Variants in RBFOX3 observed in about 807,000 individuals in gnomAD.
RBFOX3 encodes RNA binding protein fox-1 homolog 3.
In RBFOX3, 17 loss-of-function variants were observed where a neutral mutation model predicts 48.7. The ratio of observed to expected loss-of-function variants is 0.35; its 90% confidence interval spans 0.24 to 0.52. The LOEUF (loss-of-function observed/expected upper bound fraction) is 0.52, where lower values mean the gene tolerates loss of function less well. Among genes scored for constraint, RBFOX3 ranks in the 20% least tolerant of loss-of-function variants. The pLI, the probability that RBFOX3 is intolerant of heterozygous loss-of-function variation, is 0.94. For missense variants in RBFOX3, 382 were observed against 497.5 expected, an observed-to-expected ratio of 0.77 and a Z score of 2.21; for synonymous variants, 212 against 209.5, an observed-to-expected ratio of 1.01 and a Z score of -0.10.
intron 4 of RBFOX3, among the ~76,000 whole-genome samples, chr17:79,185,923 CT>C (rs1363544554): frequency 2.6e-5 from 4 of 152,236 alleles, no homozygotes; most frequent in Non-Finnish European, 4.4e-5. Flanking sequence ...GGAAACCAAG[CT>C]TGTAAACGAA....
At chr17:79,462,083 T>C (rs1389577617) in intron 2 of RBFOX3, among the ~76,000 whole-genome samples, 1 of 152,238 alleles carries the variant, frequency 6.6e-6, no homozygotes, top group Non-Finnish European at 1.5e-5. Flanking sequence ...TAACAAACTG[T>C]ACAATTTATG....
rs941493565 is a variant in RBFOX3 at position 79,593,906 on chromosome 17, T to G, written c.-320+16920A>C. On this transcript the variant is annotated intron_variant, in intron 1 of 14. Coordinates refer to ENST00000693108, the MANE Select transcript of RBFOX3 (RefSeq NM_001350451.2). ...GACAGAAACCAAAACCCGCTGGCACTTGTTGGGGGTGGGAGGCACTTGGAC... is the reference window on the plus strand; with the variant it reads ...GACAGAAACCAAAACCCGCTGGCACGTGTTGGGGGTGGGAGGCACTTGGAC... Among the ~76,000 whole-genome samples, 479 of 152,238 alleles carry G rather than the reference T, an allele frequency of 3.1e-3. 3 individuals carry two copies. The highest frequency in any genetic ancestry group is 0.011 in the African/African-American group (461 of 41,552).
At position 79,534,876 on chromosome 17, in the gene RBFOX3, G is replaced by T. The variant is rs563993543; in HGVS notation, c.-319-52278C>A. 2.0e-5 allele frequency among the ~76,000 whole-genome samples: 3 copies of T among 152,278 alleles called. No homozygotes were observed. In the South Asian group the frequency reaches 6.2e-4, roughly 32 times the overall value. On this transcript the variant is annotated intron_variant, in intron 1 of 14. Coordinates refer to ENST00000693108, the MANE Select transcript of RBFOX3 (RefSeq NM_001350451.2). Reference sequence around the variant, plus strand: ...GACAGAGGGAGATCGTCGCCCCCTCGGAAGTCGGTTTGACAAGTGCCCCAG... The same window carrying T: ...GACAGAGGGAGATCGTCGCCCCCTCTGAAGTCGGTTTGACAAGTGCCCCAG...
At chr17:79,645,638 C>T in the RBFOX3 span, among the ~76,000 whole-genome samples, 1 of 152,216 alleles carries the variant, frequency 6.6e-6, no homozygotes, top group African/African-American at 2.4e-5. Flanking sequence ...TGGCATCACC[C>T]AACTGCCCAG....
chr17:79,376,397 G>T (rs1023663221), intron 2 of RBFOX3, among the ~76,000 whole-genome samples: 6 of 152,140 alleles, frequency 3.9e-5, no homozygotes, highest in African/African-American at 1.4e-4. Context: ...GGTGGCAGGG[G>T]CCGGCCAGGC....
intron 2 of RBFOX3, among the ~76,000 whole-genome samples, chr17:79,317,438 T>C (rs1377612432): frequency 6.6e-6 from 1 of 152,186 alleles, no homozygotes; most frequent in Non-Finnish European, 1.5e-5. Context: ...CTCACCAGGG[T>C]TCACCTGTGG....
At chr17:79,276,126 CCCG>C (rs2068758620) in intron 3 of RBFOX3, among the ~76,000 whole-genome samples, 1 of 152,166 alleles carries the variant, frequency 6.6e-6, no homozygotes, top group African/African-American at 2.4e-5. Context: ...ACACAAAGGC[CCCG>C]CGTGGCATGA....
At chr17:79,094,171 T>G (rs998444840) in intron 14 of RBFOX3, 1 of 416,132 alleles carries the variant, frequency 2.4e-6, no homozygotes, top group South Asian at 8.8e-5. Context: ...TTTATTATAG[T>G]GAGGGAGCTC....
At chr17:79,298,589 C>T (rs750683224) in intron 3 of RBFOX3, among the ~76,000 whole-genome samples, 3 of 152,154 alleles carry the variant, frequency 2.0e-5, no homozygotes, top group African/African-American at 4.8e-5. Context: ...TGGTGGAACA[C>T]GGCACACCAG....
chr17:79,141,984 C>T (rs946779146), intron 4 of RBFOX3, among the ~76,000 whole-genome samples: 9 of 152,152 alleles, frequency 5.9e-5, no homozygotes, highest in Non-Finnish European at 8.8e-5. Flanking sequence ...GAGGAGGAGA[C>T]GGGGCGGGGC....
intron 4 of RBFOX3, among the ~76,000 whole-genome samples, chr17:79,172,173 CAAAAAAAAA>C (rs977301314): frequency 1.9e-5 from 1 of 52,486 alleles, no homozygotes; most frequent in Non-Finnish European, 3.6e-5. Context: ...GAGTCCGTCT[CAAAAAAAAA>C]AAAAAAAAAA....
At chr17:79,117,941 C>T (rs996293721) in intron 4 of RBFOX3, among the ~76,000 whole-genome samples, 3 of 152,198 alleles carry the variant, frequency 2.0e-5, no homozygotes, top group Non-Finnish European at 2.9e-5. Context: ...CCCCAAGGGA[C>T]GGTCCAAGGC....
chr17:79,343,430 T>C (rs1349401569), intron 2 of RBFOX3, among the ~76,000 whole-genome samples: 1 of 152,008 alleles, frequency 6.6e-6, no homozygotes, highest in Admixed American at 6.6e-5. Context: ...GGCATGAGAA[T>C]TGCTTGAATT....
In RBFOX3 at chr17:79,421,740, G is replaced by A. The variant is rs1555722473; in HGVS notation, c.-175+60714C>T. ...GGCCCCTGGCAAGCCTGAGGCCGGG[G>A]CAGCAGCCATGCTCTCTCCTCCTGT... On this transcript the variant is annotated intron_variant, in intron 2 of 14. Coordinates refer to ENST00000693108, the MANE Select transcript of RBFOX3 (RefSeq NM_001350451.2). The surrounding 1 kb of genome is among the most constrained non-coding windows in gnomAD (Gnocchi z 4.5). Among the ~76,000 whole-genome samples the A allele has an allele frequency of 6.6e-6, 1 of 152,180 alleles. No individual in the cohort carries two copies. The highest frequency in any genetic ancestry group is 2.4e-5 in the African/African-American group (1 of 41,444).
intron 4 of RBFOX3, among the ~76,000 whole-genome samples, chr17:79,202,126 G>A (rs1341292893): frequency 1.3e-5 from 2 of 152,288 alleles, no homozygotes; most frequent in Non-Finnish European, 1.5e-5. Flanking sequence ...GGCATGGGGG[G>A]TAGAGTAGGG....
At chr17:79,661,909 C>G in the RBFOX3 span, among the ~76,000 whole-genome samples, 1 of 152,030 alleles carries the variant, frequency 6.6e-6, no homozygotes, top group African/African-American at 2.4e-5. Context: ...ACATATGTTG[C>G]CAATATCTTC....
intron 3 of RBFOX3, among the ~76,000 whole-genome samples, chr17:79,277,247 C>T (rs558567481): frequency 1.4e-4 from 19 of 140,688 alleles, no homozygotes; most frequent in Admixed American, 7.4e-5. Context: ...CTGGCTCTGC[C>T]CAGATCTTTC....
chr17:79,170,427 G>T (rs2049028682), intron 4 of RBFOX3, among the ~76,000 whole-genome samples: 1 of 152,132 alleles, frequency 6.6e-6, no homozygotes, highest in African/African-American at 2.4e-5. Flanking sequence ...AGGGCCAGGG[G>T]AGGGAAGGTG....
intron 1 of RBFOX3, among the ~76,000 whole-genome samples, chr17:79,575,112 G>A (rs1266651087): frequency 6.6e-6 from 1 of 152,232 alleles, no homozygotes; most frequent in Non-Finnish European, 1.5e-5. Flanking sequence ...TATGGGGGCT[G>A]TGAAGCCCCC....
Sources: gnomAD v4.1 joint callset for allele counts (sites outside exome capture counted in the v4.1 genomes callset) on GRCh38, gnomAD v4.1.1 for gene constraint, Gnocchi (gnomAD v3.1) non-coding constraint, MANE v1.5 for transcripts, NCBI Gene and HGNC (gene_info 2026-07-23, HGNC 2026-07-21) for gene names.